Variants in CTTNBP2NL observed in about 807,000 individuals in gnomAD.
The protein encoded by CTTNBP2NL is CTTNBP2 N-terminal-like protein.
In CTTNBP2NL, 16 loss-of-function variants were observed where a neutral mutation model predicts 32.5. The observed-to-expected ratio is 0.49, with a 90% CI of 0.33 to 0.75. The LOEUF (loss-of-function observed/expected upper bound fraction) is 0.75, where lower values mean the gene tolerates loss of function less well. Among genes scored for constraint, CTTNBP2NL ranks in the 30% least tolerant of loss-of-function variants. The pLI, the probability that CTTNBP2NL is intolerant of heterozygous loss-of-function variation, is 0.02. For missense variants in CTTNBP2NL, 645 were observed against 756.0 expected (o/e 0.85, Z 1.72); for synonymous variants, 298 against 289.4 (o/e 1.03, Z -0.30).
chr1:112,451,210 TTTATA>T (rs1172931600), intron 4 of CTTNBP2NL, among the ~76,000 whole-genome samples: 2 of 151,838 alleles, frequency 1.3e-5, no homozygotes, highest in Non-Finnish European at 2.9e-5. Flanking sequence ...ATTTTAGACA[TTTATA>T]TTACTTTCTT....
At chr1:112,422,174 C>T (rs1649251783) in intron 3 of CTTNBP2NL, among the ~76,000 whole-genome samples, 1 of 152,154 alleles carries the variant, frequency 6.6e-6, no homozygotes. Flanking sequence ...AACCACTGAT[C>T]TGCTTTCTGT....
chr1:112,418,897 A>C (rs957323882), intron 3 of CTTNBP2NL, among the ~76,000 whole-genome samples: 5 of 152,220 alleles, frequency 3.3e-5, no homozygotes, highest in African/African-American at 4.8e-5. Flanking sequence ...TGAATATTCC[A>C]CATCGGGTAT....
At chr1:112,439,591 G>T (rs991440832) in intron 3 of CTTNBP2NL, among the ~76,000 whole-genome samples, 1 of 152,050 alleles carries the variant, frequency 6.6e-6, no homozygotes, top group Non-Finnish European at 1.5e-5. Flanking sequence ...GAAGTTTTCG[G>T]CACTGTCTGT....
chr1:112,395,840 G>T (rs1648300917), upstream of CTTNBP2NL, among the ~76,000 whole-genome samples: 1 of 152,160 alleles, frequency 6.6e-6, no homozygotes, highest in South Asian at 2.1e-4. Flanking sequence ...AATCCCAATC[G>T]ATTAGGCCAC....
rs59619694 is a variant in CTTNBP2NL at position 112,413,555 on chromosome 1, G to C, written c.-10+1238G>C. 6.8e-3 allele frequency among the ~76,000 whole-genome samples: 1,041 copies of C among 152,298 alleles called. 13 individuals carry two copies. Among genetic ancestry groups the C allele is most frequent in the African/African-American group, 0.023 (971 of 41,570 alleles). On this transcript the variant is annotated intron_variant, in intron 2 of 5. Coordinates refer to ENST00000271277, the MANE Select transcript of CTTNBP2NL (RefSeq NM_018704.3). ...ACTTGCCCAGTCACACAACTAGGAA[G>C]ATGCAGATGTGGCATCTGACTACCA...
At chr1:112,434,053 C>T (rs1391087409) in intron 3 of CTTNBP2NL, among the ~76,000 whole-genome samples, 3 of 152,156 alleles carry the variant, frequency 2.0e-5, no homozygotes, top group African/African-American at 7.2e-5. Context: ...TAGCATTGCA[C>T]AGTGGTACAT....
At position 112,455,932 on chromosome 1, in the gene CTTNBP2NL, T is replaced by G. The variant is rs777674681; in HGVS notation, c.440T>G (p.Leu147Trp). The change falls in exon 6 of 6, where the codon TTG becomes TGG. Residue 147 changes from leucine (L) to tryptophan (W), a missense_variant and splice_region_variant. By Grantham distance (61) the Leu-to-Trp change is moderately conservative. Coordinates refer to ENST00000271277, the MANE Select transcript of CTTNBP2NL (RefSeq NM_018704.3). ...TCTCTCTTTTCTTTTTTTTTCTAGT[T>G]GGAATTTGAAAAATCCCAAGTGAAA... ...EKERERLTQQ[L>W]EFEKSQVKKF... is the part of the protein sequence containing the mutation. 7 of 1,577,368 alleles carry G rather than the reference T, an allele frequency of 4.4e-6. No homozygotes were observed. The highest frequency in any genetic ancestry group is 1.2e-5 in the South Asian group (1 of 84,732).
At chr1:112,402,644 G>T (rs547091116) in intron 1 of CTTNBP2NL, among the ~76,000 whole-genome samples, 47 of 152,174 alleles carry the variant, frequency 3.1e-4, no homozygotes, top group Non-Finnish European at 5.6e-4. Context: ...AGTCCTTTCT[G>T]TTACAGCAGG....
intron 1 of CTTNBP2NL, among the ~76,000 whole-genome samples, chr1:112,400,767 G>A (rs558109277): frequency 6.6e-6 from 1 of 151,952 alleles, no homozygotes; most frequent in African/African-American, 2.4e-5. Context: ...ACTCCAGCCT[G>A]GGCAACAAGA....
intron 4 of CTTNBP2NL, among the ~76,000 whole-genome samples, chr1:112,449,407 A>G (rs1296675446): frequency 1.7e-5 from 1 of 57,762 alleles, no homozygotes; most frequent in Admixed American, 1.9e-4. Flanking sequence ...TTTCTTCTTG[A>G]TATGTCACTC....
intron 3 of CTTNBP2NL, among the ~76,000 whole-genome samples, chr1:112,442,052 T>C (rs1349853138): frequency 6.6e-6 from 1 of 152,246 alleles, no homozygotes; most frequent in African/African-American, 2.4e-5. Context: ...AGGGGATATA[T>C]GAGAGATCTC....
chr1:112,440,133 A>T (rs116311630), intron 3 of CTTNBP2NL, among the ~76,000 whole-genome samples: 4,355 of 152,268 alleles, frequency 0.029, 202 homozygotes, highest in African/African-American at 0.098. Context: ...TATTCAAACC[A>T]TTCAGAGCCT....
chr1:112,440,683 C>T (rs1050765109), intron 3 of CTTNBP2NL, among the ~76,000 whole-genome samples: 3 of 152,154 alleles, frequency 2.0e-5, no homozygotes, highest in Non-Finnish European at 4.4e-5. Flanking sequence ...CTGTATTACT[C>T]AATCAGCTAA....
intron 1 of CTTNBP2NL, among the ~76,000 whole-genome samples, chr1:112,397,943 G>T (rs1472363742): frequency 6.6e-6 from 1 of 152,088 alleles, no homozygotes; most frequent in Non-Finnish European, 1.5e-5. Context: ...AGAGCCACTC[G>T]GTGCTCACAG....
intron 4 of CTTNBP2NL, among the ~76,000 whole-genome samples, chr1:112,452,112 A>G (rs1246554655): frequency 6.6e-6 from 1 of 152,106 alleles, no homozygotes; most frequent in Non-Finnish European, 1.5e-5. Flanking sequence ...ATGTCTTTCT[A>G]TTAAATTGAA....
upstream of CTTNBP2NL, among the ~76,000 whole-genome samples, chr1:112,394,632 A>C (rs1648266628): frequency 6.6e-6 from 1 of 152,144 alleles, no homozygotes. Context: ...TAGTCTTGCT[A>C]TCCTTCATAT....
At chr1:112,405,889 A>T (rs1299201253) in intron 1 of CTTNBP2NL, among the ~76,000 whole-genome samples, 1 of 152,164 alleles carries the variant, frequency 6.6e-6, no homozygotes, top group South Asian at 2.1e-4. Flanking sequence ...CTGGATCTTA[A>T]AAAGACATGT....
Position 112,456,868 on chromosome 1 carries a change from T to A in CTTNBP2NL, c.1376T>A (p.Phe459Tyr). The A allele has an allele frequency of 6.2e-7, 1 of 1,614,042 alleles. No individual in the cohort carries two copies. The highest frequency in any genetic ancestry group is 2.2e-5 in the East Asian group (1 of 44,870). Residue 459 changes from phenylalanine (F) to tyrosine (Y), a missense_variant, in exon 6 of 6, where the codon TTC becomes TAC. Coordinates refer to ENST00000271277, the MANE Select transcript of CTTNBP2NL (RefSeq NM_018704.3). ...TACCAAGTAGGGATCAACCAACGGT[T>A]CCATGCAGCTCGCCACAAATTTCAG... is the stretch of plus-strand genomic sequence containing the variant. ...SSYQVGINQR[F>Y]HAARHKFQSQ...
At chr1:112,404,421 G>A (rs1648597918) in intron 1 of CTTNBP2NL, among the ~76,000 whole-genome samples, 1 of 152,144 alleles carries the variant, frequency 6.6e-6, no homozygotes, top group Admixed American at 6.5e-5. Context: ...TTCCTTAACT[G>A]TTTGATGGTT....
Sources: allele counts gnomAD v4.1 joint callset (sites outside exome capture counted in the v4.1 genomes callset), GRCh38; gene constraint gnomAD v4.1.1; transcripts MANE v1.5; gene names NCBI Gene and HGNC (gene_info 2026-07-23, HGNC 2026-07-21).